The following SIGLEC6 variants were observed in gnomAD, a reference collection of about 807,000 sequenced individuals.
The protein encoded by SIGLEC6 is sialic acid-binding Ig-like lectin 6.
Under a neutral mutation model 41.4 loss-of-function variants are expected in SIGLEC6, and 31 were observed. The observed-to-expected ratio is 0.75, with a 90% CI of 0.56 to 1.01. The LOEUF is 1.01. SIGLEC6 is among the 50% of genes least tolerant of loss of function. The pLI is 0.00. For missense variants in SIGLEC6, 555 were observed against 558.6 expected (o/e 0.99, Z 0.06); for synonymous variants, 217 against 231.0 (o/e 0.94, Z 0.55).
At position 51,531,663 on chromosome 19, in the gene SIGLEC6, A is replaced by T; in HGVS notation, c.-15T>A. On this transcript the variant is annotated 5_prime_UTR_variant, in exon 1 of 8. Coordinates refer to ENST00000425629, the MANE Select transcript of SIGLEC6 (RefSeq NM_001245.7). ...GCTCCCTGCATGAGCAGAGAAGGGG[A>T]AGGGAGTGGAGGGGAAGGACTGCGG... 6.3e-7 allele frequency: 1 copy of T among 1,584,174 alleles called. No individual in the cohort carries two copies. Among genetic ancestry groups the T allele is most frequent in the African/African-American group, 1.3e-5 (1 of 74,156 alleles).
chr19:51,530,713 G>T lies in SIGLEC6; in HGVS notation c.674C>A (p.Thr225Asn), dbSNP rs180865472. Residue 225 changes from threonine (T) to asparagine (N), a missense_variant, in exon 3 of 8, where the codon ACC becomes AAC. Coordinates refer to ENST00000425629, the MANE Select transcript of SIGLEC6 (RefSeq NM_001245.7). ...ATTGAGCTGGATGGTTCTCTCCATG[G>T]TCACACCGGCTCCAGGGAACGTCAC... Reference protein sequence around the residue: ...CQVTFPGAGVTMERTIQLNVS... With the variant: ...CQVTFPGAGVNMERTIQLNVS... The T allele has an allele frequency of 5.5e-3, 8,878 of 1,614,080 alleles. 62 individuals carry two copies. Among genetic ancestry groups the T allele is most frequent in the Non-Finnish European group, 5.4e-3 (6,340 of 1,179,988 alleles).
Position 51,528,206 on chromosome 19 carries a change from C to A in SIGLEC6, c.1060G>T (p.Ala354Ser). The change falls in exon 6 of 8, where the codon GCT becomes TCT. Residue 354 changes from alanine to serine, a missense_variant. Ala to Ser is a moderately conservative substitution (Grantham distance 99). Transcript: ENST00000425629. Reference sequence around the variant, plus strand: ...AGGAAAACCAGGGTTGTGATGCTAGCTCCCCAGACTGCTCCCAGGACACCA... The same window carrying A: ...AGGAAAACCAGGGTTGTGATGCTAGATCCCCAGACTGCTCCCAGGACACCA... Reference protein sequence around the residue: ...AGGVLGAVWGASITTLVFLCV... With the variant: ...AGGVLGAVWGSSITTLVFLCV... 1.2e-6 allele frequency: 2 copies of A among 1,614,170 alleles called. No homozygotes were observed. The highest frequency in any genetic ancestry group is 1.7e-6 in the Non-Finnish European group (2 of 1,180,022).
chr19:51,527,921 A>T, intron 6 of SIGLEC6, 93 bp from the exon 7 acceptor site: 9 of 1,253,808 alleles, frequency 7.2e-6, no homozygotes, highest in Non-Finnish European at 1.0e-5. Context: ...GAGAGTACAG[A>T]AGTAATTAAG....
chr19:51,528,154 TCTCA>T lies in SIGLEC6; in HGVS notation c.1106+2_1106+5del. The T allele has an allele frequency of 6.2e-7, 1 of 1,613,336 alleles. No individual in the cohort carries two copies. The highest frequency in any genetic ancestry group is 8.5e-7 in the Non-Finnish European group (1 of 1,179,342). On this transcript the variant is annotated splice_donor_variant and splice_donor_5th_base_variant and intron_variant, in intron 6 of 7. Transcript: ENST00000425629. LOFTEE classifies it high-confidence loss of function. Reference sequence around the variant, plus strand: ...CTTTCTGTGCCTCCCTGGAGCCCACTCTCACCTGAAGATGAAGCAAACACAGAGG... The same window carrying T: ...CTTTCTGTGCCTCCCTGGAGCCCACTCCTGAAGATGAAGCAAACACAGAGG...
Position 51,530,805 on chromosome 19 carries a change from G to A in SIGLEC6, c.582C>T (p.Thr194=). ...TGATTGTGAGCACCGAGGACTGGGT[G>A]GTCCTGGGGCCCAGGGAGGTGGGGG... The part of the protein sequence containing the change: ...SAAPTSLGPR[T]TQSSVLTITP... The change falls in exon 3 of 8, where the codon ACC becomes ACT. Residue 194 remains threonine, a synonymous_variant. Coordinates refer to ENST00000425629, the MANE Select transcript of SIGLEC6 (RefSeq NM_001245.7). 1 of 1,614,106 alleles carries A rather than the reference G, an allele frequency of 6.2e-7. No individual in the cohort carries two copies. Among genetic ancestry groups the A allele is most frequent in the Non-Finnish European group, 8.5e-7 (1 of 1,179,992 alleles).
At position 51,531,208 on chromosome 19, in the gene SIGLEC6, A is replaced by C; in HGVS notation, c.379T>G (p.Trp127Gly). ...GAAGATGTATAACCGTATTTCATCC[A>C]TTTGGACTTCAACCGAAAGAAGTAT... ...AAYFFRLKSK[W>G]MKYGYTSSKL... The change falls in exon 2 of 8, where the codon TGG (tryptophan) becomes GGG (glycine). Residue 127 changes from tryptophan (W) to glycine (G), a missense_variant. By Grantham distance (184) the Trp-to-Gly change is radical. Coordinates refer to ENST00000425629, the MANE Select transcript of SIGLEC6 (RefSeq NM_001245.7). 6.2e-7 allele frequency: 1 copy of C among 1,610,964 alleles called. No individual in the cohort carries two copies. The highest frequency in any genetic ancestry group is 8.5e-7 in the Non-Finnish European group (1 of 1,178,170).
rs888129777 is a variant in SIGLEC6 at position 51,528,035 on chromosome 19, C to G, written c.1106+125G>C. ...GGGTAATTCACACCACCACTACCCT[C>G]CCTTTCCTCACTCTCGACTTTCCCA... On this transcript the variant is annotated intron_variant, in intron 6 of 7. Transcript: ENST00000425629. 7.3e-6 allele frequency: 7 copies of G among 955,364 alleles called. No homozygotes were observed. In the African/African-American group the frequency reaches 9.8e-5, roughly 13 times the overall value. The allele number at this position is 955,364 out of a possible 1,614,324, so 59.2% of individuals were successfully genotyped here.
Position 51,531,167 on chromosome 19 carries a change from A to C in SIGLEC6, c.420T>G (p.Arg140=). 1 of 1,583,266 alleles carries C rather than the reference A, an allele frequency of 6.3e-7. No homozygotes were observed. Among genetic ancestry groups the C allele is most frequent in the Non-Finnish European group, 8.6e-7 (1 of 1,162,980 alleles). ...CTGGAGCTGGTTCCTTACCCATCACACGCACAGAGAGCTTGGAAGATGTAT... is the reference window on the plus strand; with the variant it reads ...CTGGAGCTGGTTCCTTACCCATCACCCGCACAGAGAGCTTGGAAGATGTAT... ...YGYTSSKLSV[R]VMALTHRPNI... The change falls in exon 2 of 8, where the codon CGT becomes CGG. Residue 140 remains arginine (R), a synonymous_variant. Transcript: ENST00000425629.
In SIGLEC6 at chr19:51,530,688, A is replaced by T; in HGVS notation, c.699T>A (p.Asn233Lys). Residue 233 changes from asparagine to lysine, a missense_variant, in exon 3 of 8, where the codon AAT (asparagine) becomes AAA (lysine). Coordinates refer to ENST00000425629, the MANE Select transcript of SIGLEC6 (RefSeq NM_001245.7). ...GVTMERTIQL[N>K]VSYAPQKVAI... is the part of the protein sequence containing the mutation. Reference sequence around the variant, plus strand: ...TCCTGGCCCAGCACTCACAGGAGACATTGAGCTGGATGGTTCTCTCCATGG... The same window carrying T: ...TCCTGGCCCAGCACTCACAGGAGACTTTGAGCTGGATGGTTCTCTCCATGG... 1 of 1,613,408 alleles carries T rather than the reference A, an allele frequency of 6.2e-7. No individual in the cohort carries two copies. Among genetic ancestry groups the T allele is most frequent in the Non-Finnish European group, 8.5e-7 (1 of 1,179,732 alleles).
At chr19:51,523,780 G>A (rs890535027) in intron 7 of SIGLEC6, among the ~76,000 whole-genome samples, 2 of 152,190 alleles carry the variant, frequency 1.3e-5, no homozygotes, top group African/African-American at 4.8e-5. Flanking sequence ...CAGCACTTTG[G>A]GCGGCTGAGG....
In SIGLEC6 at chr19:51,530,856, G is replaced by T; in HGVS notation, c.531C>A (p.Pro177=). The T allele has an allele frequency of 6.2e-7, 1 of 1,613,954 alleles. No homozygotes were observed. The highest frequency in any genetic ancestry group is 8.5e-7 in the Non-Finnish European group (1 of 1,179,988). The part of the protein sequence containing the change: ...SVPWVCEQGT[P]PIFSWMSAAP... ...CAGCTGACATCCAGGAGAAGATGGGGGGCGTCCCCTGCTCACAGACCCAGG... is the reference window on the plus strand; with the variant it reads ...CAGCTGACATCCAGGAGAAGATGGGTGGCGTCCCCTGCTCACAGACCCAGG... Residue 177 remains proline (P), a synonymous_variant, in exon 3 of 8, where the codon CCC becomes CCA. Coordinates refer to ENST00000425629, the MANE Select transcript of SIGLEC6 (RefSeq NM_001245.7).
At chr19:51,526,721 A>G (rs1979291510) in intron 7 of SIGLEC6, among the ~76,000 whole-genome samples, 1 of 152,202 alleles carries the variant, frequency 6.6e-6, no homozygotes, top group Non-Finnish European at 1.5e-5. Context: ...ACAGACGAAA[A>G]ATTCAGAATC....
chr19:51,529,679 C>G, intron 5 of SIGLEC6, 45 bp downstream of exon 5: 1 of 1,610,834 alleles, frequency 6.2e-7, no homozygotes, highest in Non-Finnish European at 8.5e-7. Flanking sequence ...CTATGGAGCT[C>G]TCGCCCAGCT....
intron 3 of SIGLEC6, 61 bp downstream of exon 3, chr19:51,530,620 C>T: frequency 1.2e-6 from 2 of 1,609,776 alleles, no homozygotes; most frequent in Non-Finnish European, 1.7e-6. Flanking sequence ...TAAGCTCTGG[C>T]TCAGCCCTGC....
rs1289779603 is a variant in SIGLEC6 at position 51,519,417 on chromosome 19, A to G, written c.*665T>C. 1 of 152,056 alleles carries G rather than the reference A, an allele frequency of 6.6e-6. No homozygotes were observed. The highest frequency in any genetic ancestry group is 1.5e-5 in the Non-Finnish European group (1 of 68,012). The allele number at this position is 152,056 out of a possible 1,614,324, so 9.4% of individuals were successfully genotyped here. A position where few individuals can be genotyped will look rare whatever the true frequency, so the allele number is the denominator to read the frequency against. ...TTTGTTAGCTGTTTTACAGCTAACA[A>G]AGCTGTATGTTAGCTGTATGCTTTC... On this transcript the variant is annotated 3_prime_UTR_variant, in exon 8 of 8. Transcript: ENST00000425629.
At chr19:51,530,375 C>T in intron 4 of SIGLEC6, 62 bp downstream of exon 4, 1 of 1,438,930 alleles carries the variant, frequency 6.9e-7, no homozygotes, top group Non-Finnish European at 9.7e-7. Flanking sequence ...CATATTGATC[C>T]CCGTTAGTCC....
rs1180617168 is a variant in SIGLEC6 at position 51,519,365 on chromosome 19, C to T, written c.*717G>A. Among the ~76,000 whole-genome samples, 2 of 146,474 alleles carry T rather than the reference C, an allele frequency of 1.4e-5. No homozygotes were observed. Among genetic ancestry groups the T allele is most frequent in the Non-Finnish European group, 3.0e-5 (2 of 66,776 alleles). Reference sequence around the variant, plus strand: ...GCATTCATTTACAAAAATATACAGACTTTATGAAAACCTTTGTGTCAGGGC... The same window carrying T: ...GCATTCATTTACAAAAATATACAGATTTTATGAAAACCTTTGTGTCAGGGC... On this transcript the variant is annotated 3_prime_UTR_variant, in exon 8 of 8. Transcript: ENST00000425629.
In SIGLEC6 at chr19:51,517,953, A is replaced by C. The variant is rs185581606; in HGVS notation, c.*2129T>G. On this transcript the variant is annotated 3_prime_UTR_variant, in exon 8 of 8. Coordinates refer to ENST00000425629, the MANE Select transcript of SIGLEC6 (RefSeq NM_001245.7). ...TATAATATTGGTATTTCAATATTAC[A>C]TTTGATGTTTGACCCCTCTACAAAC... 9.9e-5 allele frequency among the ~76,000 whole-genome samples: 15 copies of C among 152,248 alleles called. No homozygotes were observed. Among genetic ancestry groups the C allele is most frequent in the Non-Finnish European group, 1.8e-4 (12 of 68,006 alleles).
intron 7 of SIGLEC6, among the ~76,000 whole-genome samples, chr19:51,522,430 C>T (rs1466740353): frequency 6.6e-6 from 1 of 152,214 alleles, no homozygotes; most frequent in African/African-American, 2.4e-5. Context: ...TAAATAGAAA[C>T]ATATCACCAA....
Sources: allele counts gnomAD v4.1 joint callset (sites outside exome capture counted in the v4.1 genomes callset), GRCh38; gene constraint gnomAD v4.1.1; transcripts MANE v1.5; gene names NCBI Gene and HGNC (gene_info 2026-07-23, HGNC 2026-07-21).